Variants in COX7B2 observed in about 807,000 individuals in gnomAD.
The protein encoded by COX7B2 is cytochrome c oxidase subunit 7B2, also known as cytochrome c oxidase subunit 7B2, mitochondrial.
For synonymous variants in COX7B2, 37 were observed against 32.1 expected (o/e 1.15, Z -0.51); for missense variants, 109 against 95.9 (o/e 1.14, Z -0.57).
At chr4:46,895,933 C>G (rs1719733047) in intron 1 of COX7B2, among the ~76,000 whole-genome samples, 1 of 152,122 alleles carries the variant, frequency 6.6e-6, no homozygotes, top group Non-Finnish European at 1.5e-5. Flanking sequence ...CCTTTATTAT[C>G]AGTTAAACCT....
At chr4:46,879,194 C>G (rs1718547999) in intron 1 of COX7B2, among the ~76,000 whole-genome samples, 1 of 152,042 alleles carries the variant, frequency 6.6e-6, no homozygotes. Flanking sequence ...ATGATCATAG[C>G]TCACTGATGC....
At chr4:46,838,453 A>G (rs1321948556) in intron 2 of COX7B2, among the ~76,000 whole-genome samples, 1 of 152,086 alleles carries the variant, frequency 6.6e-6, no homozygotes, top group Non-Finnish European at 1.5e-5. Flanking sequence ...GACTATAGTC[A>G]CAGAAGCCAG....
At chr4:46,821,693 A>G (rs1042708752) in intron 2 of COX7B2, among the ~76,000 whole-genome samples, 12 of 152,354 alleles carry the variant, frequency 7.9e-5, no homozygotes, top group African/African-American at 2.9e-4. Context: ...ATTCAAATGT[A>G]TAAGTTAAAT....
chr4:46,777,557 A>AAGGGACTAAACT (rs1221128099), intron 2 of COX7B2, among the ~76,000 whole-genome samples: 1 of 152,172 alleles, frequency 6.6e-6, no homozygotes, highest in Non-Finnish European at 1.5e-5. Context: ...TTGACTAAAC[A>AAGGGACTAAACT]AGGACAAGGG....
At chr4:46,877,281 A>G (rs1466177780) in intron 1 of COX7B2, among the ~76,000 whole-genome samples, 1 of 152,214 alleles carries the variant, frequency 6.6e-6, no homozygotes, top group African/African-American at 2.4e-5. Context: ...CTGAGGTTTC[A>G]TAGCCAAATT....
chr4:46,905,823 T>C (rs901871405), intron 1 of COX7B2, among the ~76,000 whole-genome samples: 7 of 112,612 alleles, frequency 6.2e-5, no homozygotes, highest in Admixed American at 8.4e-5. Flanking sequence ...TCTTTTTTTT[T>C]TTTTTTTTTT....
intron 2 of COX7B2, among the ~76,000 whole-genome samples, chr4:46,803,979 A>G (rs73141212): frequency 0.023 from 3,568 of 152,130 alleles, 101 homozygotes; most frequent in African/African-American, 0.067. Context: ...GGACCCTTGC[A>G]GTGTTACAGT....
rs192578704 is a variant in COX7B2 at position 46,780,917 on chromosome 4, T to G, written c.-49-45676A>C. Among the ~76,000 whole-genome samples, 187 of 152,344 alleles carry G rather than the reference T, an allele frequency of 1.2e-3. 1 individual carries two copies. Among genetic ancestry groups the G allele is most frequent in the African/African-American group, 4.3e-3 (177 of 41,582 alleles). On this transcript the variant is annotated intron_variant, in intron 2 of 2. Coordinates refer to ENST00000355591, the MANE Select transcript of COX7B2 (RefSeq NM_130902.3). ...TCATTTTCATAAGTCAATGTCTTACTTTACTGCACTTCACAAATCATTAAC... is the reference window on the plus strand; with the variant it reads ...TCATTTTCATAAGTCAATGTCTTACGTTACTGCACTTCACAAATCATTAAC...
At position 46,738,215 on chromosome 4, in the gene COX7B2, A is replaced by G. The variant is rs548653249; in HGVS notation, c.-49-2974T>C. Among the ~76,000 whole-genome samples, 33 of 152,246 alleles carry G rather than the reference A, an allele frequency of 2.2e-4. No individual in the cohort carries two copies. The East Asian group carries it at 6.0e-3, about 28-fold the overall frequency. On this transcript the variant is annotated intron_variant, in intron 2 of 2. Coordinates refer to ENST00000355591, the MANE Select transcript of COX7B2 (RefSeq NM_130902.3). ...TGGGTCGGCTCATGCTTGCTGCTTT[A>G]TGACAAATTGATTTCATTTTTCTTA...
intron 2 of COX7B2, among the ~76,000 whole-genome samples, chr4:46,780,501 A>G (rs1172214634): frequency 1.3e-5 from 2 of 152,224 alleles, no homozygotes; most frequent in Admixed American, 1.3e-4. Context: ...TGGGTGACAG[A>G]GAGAGACTAC....
chr4:46,873,069 A>C (rs2109828442), intron 1 of COX7B2, among the ~76,000 whole-genome samples: 1 of 148,340 alleles, frequency 6.7e-6, no homozygotes, highest in Non-Finnish European at 1.5e-5. Flanking sequence ...GAGAACATGC[A>C]GTGTTTGGTT....
At chr4:46,895,557 G>A (rs897396466) in intron 1 of COX7B2, among the ~76,000 whole-genome samples, 11 of 152,114 alleles carry the variant, frequency 7.2e-5, no homozygotes, top group Admixed American at 6.6e-5. Flanking sequence ...CTTAGTACCC[G>A]AGTGACAAAA....
At chr4:46,895,825 G>A (rs1719728127) in intron 1 of COX7B2, among the ~76,000 whole-genome samples, 1 of 152,082 alleles carries the variant, frequency 6.6e-6, no homozygotes, top group Non-Finnish European at 1.5e-5. Flanking sequence ...CCCTAAGGGA[G>A]AAATTCAGCA....
chr4:46,735,322 C>G (rs1037764431), intron 2 of COX7B2, 81 bp from the exon 3 acceptor site: 12 of 1,029,398 alleles, frequency 1.2e-5, no homozygotes, highest in Non-Finnish European at 1.7e-5. Context: ...TACATCACCC[C>G]TTGGAGTGGT....
At chr4:46,802,808 A>C (rs1718728786) in intron 2 of COX7B2, among the ~76,000 whole-genome samples, 1 of 152,162 alleles carries the variant, frequency 6.6e-6, no homozygotes, top group Admixed American at 6.5e-5. Flanking sequence ...AATTATCCCC[A>C]CAACTATCTG....
chr4:46,804,288 G>A (rs55721316), intron 2 of COX7B2, among the ~76,000 whole-genome samples: 5,297 of 152,244 alleles, frequency 0.035, 234 homozygotes, highest in African/African-American at 0.11. Flanking sequence ...GCGAAAGAAC[G>A]AAGCTTCCAC....
intron 1 of COX7B2, among the ~76,000 whole-genome samples, chr4:46,898,175 T>C (rs529162989): frequency 5.3e-5 from 8 of 152,334 alleles, no homozygotes; most frequent in African/African-American, 1.7e-4. Context: ...TATCTAAATA[T>C]GCATAAAGAT....
At chr4:46,882,841 T>C (rs1230973792) in intron 1 of COX7B2, among the ~76,000 whole-genome samples, 2 of 152,222 alleles carry the variant, frequency 1.3e-5, no homozygotes, top group East Asian at 3.8e-4. Context: ...TCTTCTGATT[T>C]GTAAGACAAA....
chr4:46,746,347 T>C (rs968703355), intron 2 of COX7B2, among the ~76,000 whole-genome samples: 9 of 152,192 alleles, frequency 5.9e-5, no homozygotes, highest in African/African-American at 1.9e-4. Context: ...ATATATGTGT[T>C]TTCTAATGAA....
Sources: allele counts gnomAD v4.1 joint callset (sites outside exome capture counted in the v4.1 genomes callset), GRCh38; gene constraint gnomAD v4.1.1; transcripts MANE v1.5; gene names NCBI Gene and HGNC (gene_info 2026-07-23, HGNC 2026-07-21).